The following CACNG3 variants were observed in gnomAD, a reference collection of about 807,000 sequenced individuals.
CACNG3 encodes calcium voltage-gated channel auxiliary subunit gamma 3.
In CACNG3, 3 loss-of-function variants were observed where a neutral mutation model predicts 28.5. That is an observed-to-expected ratio of 0.11 (90% CI 0.05 to 0.27). The LOEUF (loss-of-function observed/expected upper bound fraction) is 0.27, where lower values mean the gene tolerates loss of function less well. Ranked by LOEUF, CACNG3 falls within the 10% of genes least tolerant of loss-of-function variation. CACNG3 has a pLI of 1.00. For missense variants in CACNG3, 236 were observed against 414.4 expected, an observed-to-expected ratio of 0.57 and a Z score of 3.74; for synonymous variants, 174 against 162.2, an observed-to-expected ratio of 1.07 and a Z score of -0.55.
At chr16:24,316,319 C>A (rs1241197775) in intron 1 of CACNG3, among the ~76,000 whole-genome samples, 1 of 146,400 alleles carries the variant, frequency 6.8e-6, no homozygotes, top group Non-Finnish European at 1.5e-5. Context: ...ATGCCATCCC[C>A]TGAAACATGC....
chr16:24,285,845 C>CTTTTTT (rs11406086), intron 1 of CACNG3, among the ~76,000 whole-genome samples: 1 of 131,634 alleles, frequency 7.6e-6, no homozygotes, highest in Non-Finnish European at 1.6e-5. Flanking sequence ...TCTTTCTTTT[C>CTTTTTT]TTTTTTTTTT....
At chr16:24,318,015 A>G (rs926642869) in intron 1 of CACNG3, among the ~76,000 whole-genome samples, 1 of 152,076 alleles carries the variant, frequency 6.6e-6, no homozygotes, top group Non-Finnish European at 1.5e-5. Context: ...CCCTTCTCTG[A>G]GAGGCTTCCC....
chr16:24,257,366 GGGGA>G (rs1898473567), intron 1 of CACNG3, among the ~76,000 whole-genome samples: 4 of 106,548 alleles, frequency 3.8e-5, no homozygotes, highest in African/African-American at 1.6e-4. Context: ...AGAAGTGAGG[GGGGA>G]GAGAGAGAGA....
chr16:24,322,133 C>T (rs1360409880), intron 1 of CACNG3, among the ~76,000 whole-genome samples: 1 of 152,092 alleles, frequency 6.6e-6, no homozygotes, highest in Non-Finnish European at 1.5e-5. Flanking sequence ...AGGAGGAGAG[C>T]AGGGAAGAGC....
At chr16:24,293,346 G>A (rs767316379) in intron 1 of CACNG3, among the ~76,000 whole-genome samples, 35 of 152,190 alleles carry the variant, frequency 2.3e-4, no homozygotes, top group Non-Finnish European at 3.8e-4. Context: ...CAACTCTGAT[G>A]TTCATCCTCT....
chr16:24,279,212 T>C (rs755306203), intron 1 of CACNG3, among the ~76,000 whole-genome samples: 1 of 152,238 alleles, frequency 6.6e-6, no homozygotes, highest in Non-Finnish European at 1.5e-5. Context: ...AAATTAAAGA[T>C]CTGACGTAAT....
chr16:24,317,641 AG>A (rs1567217609), intron 1 of CACNG3, among the ~76,000 whole-genome samples: 2 of 76,748 alleles, frequency 2.6e-5, no homozygotes, highest in Admixed American at 1.4e-4. Flanking sequence ...ACAGAAAGAA[AG>A]AAAAGAAAAG....
At chr16:24,258,921 G>A (rs1397810393) in intron 1 of CACNG3, among the ~76,000 whole-genome samples, 1 of 152,150 alleles carries the variant, frequency 6.6e-6, no homozygotes, top group Non-Finnish European at 1.5e-5. Context: ...GCAGAGGTAG[G>A]ACCTAAAATT....
chr16:24,342,956 G>A (rs1162144343), intron 1 of CACNG3, among the ~76,000 whole-genome samples: 4 of 152,118 alleles, frequency 2.6e-5, no homozygotes, highest in African/African-American at 9.7e-5. Flanking sequence ...TCAGGAGGCT[G>A]AGGCAGGTGG....
At chr16:24,274,679 T>A (rs1898731883) in intron 1 of CACNG3, among the ~76,000 whole-genome samples, 1 of 152,154 alleles carries the variant, frequency 6.6e-6, no homozygotes, top group Non-Finnish European at 1.5e-5. Context: ...ATGAAGGTAG[T>A]CAAAACCTTA....
chr16:24,291,495 T>C (rs558354931), intron 1 of CACNG3, among the ~76,000 whole-genome samples: 2 of 152,178 alleles, frequency 1.3e-5, no homozygotes, highest in South Asian at 4.2e-4. Context: ...AACTATATTA[T>C]TGAGAGCAAG....
chr16:24,318,013 T>C (rs12920904), intron 1 of CACNG3, among the ~76,000 whole-genome samples: 63,051 of 151,994 alleles, frequency 0.41, 13,655 homozygotes, highest in African/African-American at 0.51. Flanking sequence ...GCCCCTTCTC[T>C]GAGAGGCTTC....
intron 2 of CACNG3, among the ~76,000 whole-genome samples, chr16:24,349,733 T>C (rs1466242136): frequency 1.3e-5 from 2 of 152,324 alleles, no homozygotes; most frequent in East Asian, 3.9e-4. Context: ...CTTCACTGCA[T>C]CCTGTTTTAC....
At chr16:24,319,376 G>T (rs948550268) in intron 1 of CACNG3, among the ~76,000 whole-genome samples, 8 of 152,332 alleles carry the variant, frequency 5.3e-5, no homozygotes, top group African/African-American at 1.9e-4. Flanking sequence ...CCAGTTCGAG[G>T]TTGGACAGGC....
At chr16:24,335,605 C>T (rs1389212733) in intron 1 of CACNG3, among the ~76,000 whole-genome samples, 1 of 152,170 alleles carries the variant, frequency 6.6e-6, no homozygotes, top group Non-Finnish European at 1.5e-5. Context: ...AGTTAAGCAA[C>T]TTGCAGAGCT....
intron 1 of CACNG3, among the ~76,000 whole-genome samples, chr16:24,266,988 A>T (rs2141345616): frequency 7.4e-6 from 1 of 134,916 alleles, no homozygotes; most frequent in South Asian, 2.2e-4. Context: ...TTTTTTTGAG[A>T]TGGAGTCTCG....
At chr16:24,306,954 T>A (rs1899193171) in intron 1 of CACNG3, among the ~76,000 whole-genome samples, 2 of 152,144 alleles carry the variant, frequency 1.3e-5, no homozygotes, top group Non-Finnish European at 2.9e-5. Context: ...CCGACACAAC[T>A]GATTCACAGT....
At chr16:24,291,671 C>T (rs762312815) in intron 1 of CACNG3, among the ~76,000 whole-genome samples, 2 of 152,112 alleles carry the variant, frequency 1.3e-5, no homozygotes, top group Admixed American at 6.6e-5. Flanking sequence ...GGGTTCAAGA[C>T]CTCCTTCCCC....
At chr16:24,278,412 T>C (rs1450712895) in intron 1 of CACNG3, among the ~76,000 whole-genome samples, 1 of 152,146 alleles carries the variant, frequency 6.6e-6, no homozygotes, top group Non-Finnish European at 1.5e-5. Context: ...GGTCAAGAGA[T>C]TGAGACCATC....
Sources: gnomAD v4.1 joint callset for allele counts (sites outside exome capture counted in the v4.1 genomes callset) on GRCh38, gnomAD v4.1.1 for gene constraint, MANE v1.5 for transcripts, NCBI Gene and HGNC (gene_info 2026-07-23, HGNC 2026-07-21) for gene names.